Variants in STAT4 observed in about 807,000 individuals in gnomAD.
STAT4 encodes signal transducer and activator of transcription 4.
A neutral mutation model predicts 110.5 loss-of-function variants in STAT4; 42 were observed. That is an observed-to-expected ratio of 0.38 (90% confidence interval 0.30 to 0.49). The LOEUF (loss-of-function observed/expected upper bound fraction) is 0.49, where lower values mean the gene tolerates loss of function less well. Ranked by LOEUF, STAT4 falls within the 20% of genes least tolerant of loss-of-function variation. The pLI, the probability that STAT4 is intolerant of heterozygous loss-of-function variation, is 0.95. For missense variants in STAT4, 632 were observed against 887.9 expected, an observed-to-expected ratio of 0.71 and a Z score of 3.66; for synonymous variants, 284 against 302.2, an observed-to-expected ratio of 0.94 and a Z score of 0.63.
chr2:191,033,030 G>A lies in STAT4; in HGVS notation c.1972C>T (p.Leu658=), dbSNP rs202018151. 6.2e-7 allele frequency: 1 copy of A among 1,614,226 alleles called. No homozygotes were observed. Among genetic ancestry groups the A allele is most frequent in the East Asian group, 2.2e-5 (1 of 44,890 alleles). The change falls in exon 21 of 24, where the codon CTG becomes TTG. Residue 658 remains leucine, a synonymous_variant. Transcript: ENST00000392320. This position sits in a 1 kb window ranked among gnomAD's most constrained non-coding sequence, Gnocchi z 6.9. ...GGAATGTCAGGATATAGGTACTTCA[G>A]AGGGTTTTCAGGAATGTTTTCAGCC... ...IMAENIPENP[L]KYLYPDIPKD...
chr2:191,068,675 T>C (rs1697060725), intron 6 of STAT4: 2 of 152,144 alleles, frequency 1.3e-5, no homozygotes, highest in African/African-American at 4.8e-5. Flanking sequence ...GTTGCACAAA[T>C]AGCACAGAGT....
intron 3 of STAT4, among the ~76,000 whole-genome samples, chr2:191,100,020 A>G (rs1163858246): frequency 6.6e-6 from 1 of 152,196 alleles, no homozygotes; most frequent in African/African-American, 2.4e-5. Context: ...AGCAATCAGA[A>G]AGAAATTATA....
In STAT4 at chr2:191,030,753, G is replaced by A. The variant is rs1453118007; in HGVS notation, c.2220+219C>T. 8 of 457,974 alleles carry A rather than the reference G, an allele frequency of 1.7e-5. No homozygotes were observed. The highest frequency in any genetic ancestry group is 4.0e-5 in the African/African-American group (2 of 50,310). 28.4% of individuals were successfully genotyped at this position (457,974 alleles called of 1,614,324 possible). A position where few individuals can be genotyped will look rare whatever the true frequency, so the allele number is the denominator to read the frequency against. ...TCTGGTGGTTTCTGGTGGAAACAAC[G>A]TAAAGCAGTTTAAGTAACTGAAGGT... On this transcript the variant is annotated intron_variant, in intron 23 of 23. Coordinates refer to ENST00000392320, the MANE Select transcript of STAT4 (RefSeq NM_003151.4). This position sits in a 1 kb window ranked among gnomAD's most constrained non-coding sequence, Gnocchi z 4.4.
chr2:191,129,127 T>C (rs1283901937), intron 3 of STAT4, among the ~76,000 whole-genome samples: 1 of 152,044 alleles, frequency 6.6e-6, no homozygotes, highest in African/African-American at 2.4e-5. Context: ...ATTTGCTGCA[T>C]GATATTTACA....
chr2:191,127,776 C>T (rs911656199), intron 3 of STAT4, among the ~76,000 whole-genome samples: 4 of 152,086 alleles, frequency 2.6e-5, no homozygotes, highest in African/African-American at 9.7e-5. Flanking sequence ...ATAAAGAAGC[C>T]CCATACTCTG....
At chr2:191,036,425 G>A in intron 16 of STAT4, 126 bp from the exon 17 acceptor site, 1 of 979,764 alleles carries the variant, frequency 1.0e-6, no homozygotes, top group South Asian at 1.7e-5. Flanking sequence ...GTGACTATTA[G>A]GTGATAGTCA....
chr2:191,087,606 C>T (rs969230992), intron 3 of STAT4, among the ~76,000 whole-genome samples: 4 of 152,098 alleles, frequency 2.6e-5, no homozygotes, highest in Non-Finnish European at 5.9e-5. Flanking sequence ...GCTTCATTTA[C>T]ATAACAAGGC....
In STAT4 at chr2:191,053,679, C is replaced by T. The variant is rs939519829; in HGVS notation, c.1251+811G>A. Among the ~76,000 whole-genome samples the T allele has an allele frequency of 5.3e-5, 8 of 152,134 alleles. No homozygotes were observed. The highest frequency in any genetic ancestry group is 2.0e-4 in the Admixed American group (3 of 15,274). On this transcript the variant is annotated intron_variant, in intron 14 of 23. Coordinates refer to ENST00000392320, the MANE Select transcript of STAT4 (RefSeq NM_003151.4). The surrounding 1 kb of genome is among the most constrained non-coding windows in gnomAD (Gnocchi z 4.5). Reference sequence around the variant, plus strand: ...CACATATCATAATTTTTCAGCCTGACTTCATATATGTGAGAAAATGAGTGA... The same window carrying T: ...CACATATCATAATTTTTCAGCCTGATTTCATATATGTGAGAAAATGAGTGA...
chr2:191,070,837 T>G (rs1468779282), intron 5 of STAT4, among the ~76,000 whole-genome samples: 1 of 151,790 alleles, frequency 6.6e-6, no homozygotes, highest in Non-Finnish European at 1.5e-5. Context: ...TTTAGCTTCT[T>G]TGCCTGTAAA....
At position 191,073,138 on chromosome 2, in the gene STAT4, T is replaced by G; in HGVS notation, c.425A>C (p.Asn142Thr). The change falls in exon 5 of 24, where the codon AAT becomes ACT. Residue 142 changes from asparagine to threonine, a missense_variant. By Grantham distance (65) the Asn-to-Thr change is moderately conservative. Coordinates refer to ENST00000392320, the MANE Select transcript of STAT4 (RefSeq NM_003151.4). ...AATGGCAGCCACTTTGTGCTCCACATTCCTCTGTCTTTCTGAAACTGAAGA... is the reference window on the plus strand; with the variant it reads ...AATGGCAGCCACTTTGTGCTCCACAGTCCTCTGTCTTTCTGAAACTGAAGA... The part of the protein sequence containing the change: ...QSSSVSERQR[N>T]VEHKVAAIKN... 1 of 1,614,032 alleles carries G rather than the reference T, an allele frequency of 6.2e-7. No homozygotes were observed. The highest frequency in any genetic ancestry group is 8.5e-7 in the Non-Finnish European group (1 of 1,179,922).
rs1467045671 is a variant in STAT4 at position 191,104,473 on chromosome 2, T to C, written c.274-28148A>G. Among the ~76,000 whole-genome samples the C allele has an allele frequency of 6.6e-6, 1 of 152,070 alleles. No individual in the cohort carries two copies. The highest frequency in any genetic ancestry group is 1.5e-5 in the Non-Finnish European group (1 of 67,976). ...AAAAATATTAAATTCACAATAGGCA[T>C]ATGTGAAGAAGATTTTGCCACACAG... is the stretch of plus-strand genomic sequence containing the variant. On this transcript the variant is annotated intron_variant, in intron 3 of 23. Transcript: ENST00000392320. The surrounding 1 kb of genome is among the most constrained non-coding windows in gnomAD (Gnocchi z 4.3).
intron 4 of STAT4, among the ~76,000 whole-genome samples, chr2:191,073,557 G>A (rs1697225975): frequency 6.6e-6 from 1 of 152,156 alleles, no homozygotes; most frequent in African/African-American, 2.4e-5. Context: ...AGGTGTGGCA[G>A]CGTGTGCCTG....
chr2:191,092,091 G>A (rs781176413), intron 3 of STAT4, among the ~76,000 whole-genome samples: 4 of 152,170 alleles, frequency 2.6e-5, no homozygotes, highest in Non-Finnish European at 5.9e-5. Flanking sequence ...AGAAGTAAAA[G>A]TTGGATCTTT....
rs1324793441 is a variant in STAT4, at chr2:191,031,105, T to C, written c.2112-25A>G. The stretch of plus-strand genomic sequence containing the variant: ...GCTTAAAGAGATAACAAGGTCAATA[T>C]GGACAAGGATTAAAAAATAATAATA... On this transcript the variant is annotated intron_variant, in intron 22 of 23. Coordinates refer to ENST00000392320, the MANE Select transcript of STAT4 (RefSeq NM_003151.4). This position sits in a 1 kb window ranked among gnomAD's most constrained non-coding sequence, Gnocchi z 4.8. 7.5e-6 allele frequency: 12 copies of C among 1,605,136 alleles called. No homozygotes were observed. The highest frequency in any genetic ancestry group is 1.0e-5 in the Non-Finnish European group (12 of 1,172,262).
At chr2:191,098,281 A>G (rs1317777860) in intron 3 of STAT4, among the ~76,000 whole-genome samples, 1 of 152,260 alleles carries the variant, frequency 6.6e-6, no homozygotes, top group Non-Finnish European at 1.5e-5. Flanking sequence ...CCAAAGGATT[A>G]TAAATCATTC....
At chr2:191,125,230 G>C (rs1254402400) in intron 3 of STAT4, among the ~76,000 whole-genome samples, 2 of 152,100 alleles carry the variant, frequency 1.3e-5, no homozygotes, top group Non-Finnish European at 2.9e-5. Context: ...TACTGAGGCA[G>C]AGGTCACAGA....
chr2:191,125,566 T>C (rs1172273431), intron 3 of STAT4, among the ~76,000 whole-genome samples: 1 of 151,478 alleles, frequency 6.6e-6, no homozygotes, highest in East Asian at 1.9e-4. Flanking sequence ...TAACTTGCTG[T>C]AACCTCAAAC....
At chr2:191,056,979 C>T (rs981959447) in intron 13 of STAT4, among the ~76,000 whole-genome samples, 5 of 152,102 alleles carry the variant, frequency 3.3e-5, no homozygotes, top group Non-Finnish European at 4.4e-5. Context: ...GACGAGGTTT[C>T]ACCATGTTGG....
chr2:191,138,308 A>G lies in STAT4; in HGVS notation c.273+8305T>C, dbSNP rs1331918917. On this transcript the variant is annotated intron_variant, in intron 3 of 23. Coordinates refer to ENST00000392320, the MANE Select transcript of STAT4 (RefSeq NM_003151.4). This position sits in a 1 kb window ranked among gnomAD's most constrained non-coding sequence, Gnocchi z 4.3. ...CAAAACAAAAAAATACAAAAGATAA[A>G]TGAAACAAAAAGCATGTTATTTGAA... Among the ~76,000 whole-genome samples the G allele has an allele frequency of 6.6e-6, 1 of 152,190 alleles. No individual in the cohort carries two copies. The highest frequency in any genetic ancestry group is 1.5e-5 in the Non-Finnish European group (1 of 68,020).
Sources: gnomAD v4.1 joint callset for allele counts (sites outside exome capture counted in the v4.1 genomes callset) on GRCh38, gnomAD v4.1.1 for gene constraint, Gnocchi (gnomAD v3.1) non-coding constraint, MANE v1.5 for transcripts, NCBI Gene and HGNC (gene_info 2026-07-23, HGNC 2026-07-21) for gene names.